The following PIWIL2 variants were observed in gnomAD, a reference collection of about 807,000 sequenced individuals.
PIWIL2 encodes piwi-like protein 2.
A neutral mutation model predicts 116.5 loss-of-function variants in PIWIL2; 81 were observed. The observed-to-expected ratio is 0.70, with a 90% confidence interval of 0.58 to 0.84. The LOEUF (loss-of-function observed/expected upper bound fraction) is 0.84, where lower values mean the gene tolerates loss of function less well. PIWIL2 is among the 40% of genes least tolerant of loss of function. The probability of loss-of-function intolerance (pLI) is 0.00; values close to 1 mark genes in which losing one functional copy is unlikely to be tolerated. For missense variants in PIWIL2, 1,272 were observed against 1,212.3 expected (o/e 1.05, Z -0.73); for synonymous variants, 489 against 429.5 (o/e 1.14, Z -1.71).
Position 22,345,762 on chromosome 8 carries a change from G to T in PIWIL2, c.2404-7197G>T, listed in dbSNP as rs527822629. On this transcript the variant is annotated intron_variant, in intron 20 of 22. Coordinates refer to ENST00000356766, the MANE Select transcript of PIWIL2 (RefSeq NM_018068.5). ...TATGCATATAATGGAATACTATTCTGCAATAAGGAACGAAGGACTGAGACG... is the reference window on the plus strand; with the variant it reads ...TATGCATATAATGGAATACTATTCTTCAATAAGGAACGAAGGACTGAGACG... 2.6e-5 allele frequency among the ~76,000 whole-genome samples: 4 copies of T among 152,294 alleles called. No individual in the cohort carries two copies. In the South Asian group the frequency reaches 6.2e-4, roughly 24 times the overall value.
chr8:22,328,805 A>G (rs913240186), intron 20 of PIWIL2, among the ~76,000 whole-genome samples: 14 of 127,596 alleles, frequency 1.1e-4, no homozygotes, highest in African/African-American at 4.0e-4. Flanking sequence ...GAATGTGGTT[A>G]TGAGCTCTAG....
In PIWIL2 at chr8:22,308,691, G is replaced by A. The variant is rs561704954; in HGVS notation, c.1686+618G>A. Among the ~76,000 whole-genome samples the A allele has an allele frequency of 3.3e-5, 5 of 152,190 alleles. No homozygotes were observed. The East Asian group carries it at 9.6e-4, about 29-fold the overall frequency. Reference sequence around the variant, plus strand: ...TAATTTAAAAAAATAACGATGCAGTGTACATCCTTACAACTGAATCTTTGT... The same window carrying A: ...TAATTTAAAAAAATAACGATGCAGTATACATCCTTACAACTGAATCTTTGT... On this transcript the variant is annotated intron_variant, in intron 14 of 22. Coordinates refer to ENST00000356766, the MANE Select transcript of PIWIL2 (RefSeq NM_018068.5).
At chr8:22,345,713 T>C (rs1267472317) in intron 20 of PIWIL2, among the ~76,000 whole-genome samples, 3 of 152,066 alleles carry the variant, frequency 2.0e-5, no homozygotes, top group Non-Finnish European at 2.9e-5. Flanking sequence ...CACAAATTGA[T>C]GAATGGACAA....
intron 20 of PIWIL2, among the ~76,000 whole-genome samples, chr8:22,351,222 GGCAGGAGGATCTCTTGA>G (rs1832345879): frequency 6.6e-6 from 1 of 151,296 alleles, no homozygotes; most frequent in African/African-American, 2.4e-5. Flanking sequence ...GACAGGCTGA[GGCAGGAGGATCTCTTGA>G]GCTTGGGAGT....
intron 20 of PIWIL2, 48 bp from the exon 21 acceptor site, chr8:22,352,911 C>A: frequency 1.9e-6 from 3 of 1,571,310 alleles, no homozygotes; most frequent in Admixed American, 1.7e-5. Context: ...GACTGTGGTC[C>A]GTAGCCTGAG....
intron 16 of PIWIL2, among the ~76,000 whole-genome samples, chr8:22,313,288 C>T (rs1268062154): frequency 6.6e-6 from 1 of 152,066 alleles, no homozygotes; most frequent in Non-Finnish European, 1.5e-5. Flanking sequence ...TGAAGTGGGC[C>T]AGGAGGGGAG....
At chr8:22,300,477 A>G (rs1002841428) in intron 10 of PIWIL2, among the ~76,000 whole-genome samples, 14 of 152,212 alleles carry the variant, frequency 9.2e-5, no homozygotes, top group Admixed American at 8.5e-4. Context: ...TTAGTGTACA[A>G]GTCTTTGTGT....
chr8:22,317,849 G>C lies in PIWIL2; in HGVS notation c.2298-321G>C, dbSNP rs577478608. ...TAATTTTTTTTGTACTTTTAGTAGA[G>C]ACGGGGTTTCACCGTGTTAGCCAGG... is the stretch of plus-strand genomic sequence containing the variant. On this transcript the variant is annotated intron_variant, in intron 19 of 22. Coordinates refer to ENST00000356766, the MANE Select transcript of PIWIL2 (RefSeq NM_018068.5). 2.6e-5 allele frequency among the ~76,000 whole-genome samples: 4 copies of C among 152,042 alleles called. No individual in the cohort carries two copies. The East Asian group carries it at 7.8e-4, about 29-fold the overall frequency.
chr8:22,299,298 C>T (rs1482265127), intron 10 of PIWIL2, among the ~76,000 whole-genome samples: 2 of 151,602 alleles, frequency 1.3e-5, no homozygotes, highest in African/African-American at 4.8e-5. Flanking sequence ...GCAACCTCCG[C>T]CTCCTGGGTT....
At chr8:22,326,405 C>G (rs181384954) in intron 20 of PIWIL2, among the ~76,000 whole-genome samples, 1 of 152,108 alleles carries the variant, frequency 6.6e-6, no homozygotes, top group African/African-American at 2.4e-5. Context: ...GCCTGTAGTC[C>G]CAGGTACTTG....
Position 22,279,340 on chromosome 8 carries a change from G to C in PIWIL2, c.-46-1G>C. On this transcript the variant is annotated splice_acceptor_variant, in intron 1 of 22. Coordinates refer to ENST00000356766, the MANE Select transcript of PIWIL2 (RefSeq NM_018068.5). LOFTEE classifies it low-confidence loss of function (5UTR_SPLICE). ...TCTTAATCTTTTGAAAATGATGGCAGGTAATTAACCAGAACAGGATCGACA... is the reference window on the plus strand; with the variant it reads ...TCTTAATCTTTTGAAAATGATGGCACGTAATTAACCAGAACAGGATCGACA... 1 of 1,392,718 alleles carries C rather than the reference G, an allele frequency of 7.2e-7. No homozygotes were observed. Among genetic ancestry groups the C allele is most frequent in the South Asian group, 1.2e-5 (1 of 86,510 alleles). 86.3% of individuals were successfully genotyped at this position (1,392,718 alleles called of 1,614,324 possible). A position where few individuals can be genotyped will look rare whatever the true frequency, so the allele number is the denominator to read the frequency against.
chr8:22,335,788 G>A (rs950439281), intron 20 of PIWIL2, among the ~76,000 whole-genome samples: 3 of 151,994 alleles, frequency 2.0e-5, no homozygotes, highest in Non-Finnish European at 4.4e-5. Flanking sequence ...GGAACTTCTG[G>A]CTTCAAGTGA....
chr8:22,345,332 C>T lies in PIWIL2; in HGVS notation c.2404-7627C>T, dbSNP rs150162308. Reference sequence around the variant, plus strand: ...ACACAAAAACTTATACACAAATGTTCGTAGCAACATTATTCATAATGGCCA... The same window carrying T: ...ACACAAAAACTTATACACAAATGTTTGTAGCAACATTATTCATAATGGCCA... On this transcript the variant is annotated intron_variant, in intron 20 of 22. Coordinates refer to ENST00000356766, the MANE Select transcript of PIWIL2 (RefSeq NM_018068.5). Among the ~76,000 whole-genome samples the T allele has an allele frequency of 1.1e-3, 171 of 152,272 alleles. 1 individual carries two copies. The highest frequency in any genetic ancestry group is 1.9e-3 in the Non-Finnish European group (129 of 68,010).
At chr8:22,291,035 C>T (rs1830753642) in intron 10 of PIWIL2, among the ~76,000 whole-genome samples, 1 of 151,380 alleles carries the variant, frequency 6.6e-6, no homozygotes, top group African/African-American at 2.4e-5. Flanking sequence ...GTGGTGCAAT[C>T]TTGGCTCACT....
At chr8:22,322,622 T>C (rs1448105835) in intron 20 of PIWIL2, among the ~76,000 whole-genome samples, 3 of 151,390 alleles carry the variant, frequency 2.0e-5, no homozygotes, top group African/African-American at 7.3e-5. Flanking sequence ...TCTTGTCCTG[T>C]CCTGTCCTTT....
At chr8:22,350,392 C>T (rs530550678) in intron 20 of PIWIL2, among the ~76,000 whole-genome samples, 1 of 151,234 alleles carries the variant, frequency 6.6e-6, no homozygotes, top group Non-Finnish European at 1.5e-5. Context: ...TCCAGGAGTT[C>T]GAGACTAGCC....
chr8:22,294,075 C>T (rs1158803158), intron 10 of PIWIL2, among the ~76,000 whole-genome samples: 1 of 152,136 alleles, frequency 6.6e-6, no homozygotes, highest in Non-Finnish European at 1.5e-5. Context: ...CGGTGGCTCA[C>T]CTCTGTAATC....
chr8:22,293,896 C>T (rs1321009794), intron 10 of PIWIL2, among the ~76,000 whole-genome samples: 5 of 152,078 alleles, frequency 3.3e-5, no homozygotes, highest in Admixed American at 3.3e-4. Flanking sequence ...TGGTGAATGT[C>T]ACCCACATAC....
intron 15 of PIWIL2, among the ~76,000 whole-genome samples, chr8:22,310,655 C>A (rs1315061929): frequency 6.6e-6 from 1 of 151,864 alleles, no homozygotes; most frequent in African/African-American, 2.4e-5. Flanking sequence ...TAATCCACAC[C>A]AAGGGTTAAG....
Sources: allele counts gnomAD v4.1 joint callset (sites outside exome capture counted in the v4.1 genomes callset), GRCh38; gene constraint gnomAD v4.1.1; transcripts MANE v1.5; gene names NCBI Gene and HGNC (gene_info 2026-07-23, HGNC 2026-07-21).